Variants in LSAMP observed in about 807,000 individuals in gnomAD.
LSAMP encodes limbic system-associated membrane protein.
In LSAMP, 7 loss-of-function variants were observed where a neutral mutation model predicts 38.6. The observed-to-expected ratio is 0.18, with a 90% CI of 0.10 to 0.34. LSAMP has a LOEUF of 0.34. Among genes scored for constraint, LSAMP ranks in the 10% least tolerant of loss-of-function variants. The probability of loss-of-function intolerance (pLI) is 1.00; values close to 1 mark genes in which losing one functional copy is unlikely to be tolerated. For synonymous variants in LSAMP, 154 were observed against 166.8 expected (o/e 0.92, Z 0.59); for missense variants, 313 against 420.0 (o/e 0.75, Z 2.23).
intron 1 of LSAMP, among the ~76,000 whole-genome samples, chr3:116,230,423 A>G (rs1319032931): frequency 1.3e-5 from 2 of 152,196 alleles, no homozygotes; most frequent in Non-Finnish European, 2.9e-5. Context: ...ACTTATACCT[A>G]TCATACTGCT....
At chr3:116,288,157 T>C (rs991415754) in intron 1 of LSAMP, among the ~76,000 whole-genome samples, 12 of 152,122 alleles carry the variant, frequency 7.9e-5, no homozygotes, top group Non-Finnish European at 1.6e-4. Flanking sequence ...ATGGAACGAA[T>C]AGGGAAAAGA....
At chr3:116,295,559 G>GAGAT (rs2047320260) in intron 1 of LSAMP, among the ~76,000 whole-genome samples, 1 of 152,180 alleles carries the variant, frequency 6.6e-6, no homozygotes, top group Non-Finnish European at 1.5e-5. Context: ...GAATTGGAGG[G>GAGAT]AGATAGAAGG....
At chr3:116,172,448 A>C (rs978520464) in intron 1 of LSAMP, among the ~76,000 whole-genome samples, 2 of 151,920 alleles carry the variant, frequency 1.3e-5, no homozygotes, top group Non-Finnish European at 2.9e-5. Flanking sequence ...ATAGACGCTC[A>C]ATATAAATAT....
At chr3:116,218,023 T>C (rs1325185181) in intron 1 of LSAMP, among the ~76,000 whole-genome samples, 2 of 152,166 alleles carry the variant, frequency 1.3e-5, no homozygotes, top group Non-Finnish European at 2.9e-5. Flanking sequence ...GCATGTGAAG[T>C]TGCTACTGAG....
intron 1 of LSAMP, among the ~76,000 whole-genome samples, chr3:116,275,653 C>T (rs989149138): frequency 1.3e-5 from 2 of 151,980 alleles, no homozygotes; most frequent in Non-Finnish European, 2.9e-5. Flanking sequence ...TCTTCCCAGA[C>T]GTTTGCAGGC....
chr3:115,824,697 G>C (rs566564738), intron 6 of LSAMP, among the ~76,000 whole-genome samples: 1 of 148,788 alleles, frequency 6.7e-6, no homozygotes, highest in South Asian at 2.1e-4. Context: ...GTGACAGGGC[G>C]AGACTCCGTC....
intron 1 of LSAMP, among the ~76,000 whole-genome samples, chr3:116,342,211 G>T (rs983731057): frequency 2.6e-5 from 4 of 151,956 alleles, no homozygotes; most frequent in Non-Finnish European, 5.9e-5. Context: ...TGAGCAGTTG[G>T]GAGTTGTTAC....
At chr3:116,323,808 A>T (rs566941311) in intron 1 of LSAMP, among the ~76,000 whole-genome samples, 3 of 152,238 alleles carry the variant, frequency 2.0e-5, no homozygotes, top group Non-Finnish European at 2.9e-5. Flanking sequence ...AGACACCACT[A>T]AAATGCCTTG....
At chr3:116,430,053 G>A (rs1392924141) in intron 1 of LSAMP, among the ~76,000 whole-genome samples, 1 of 152,100 alleles carries the variant, frequency 6.6e-6, no homozygotes, top group Non-Finnish European at 1.5e-5. Flanking sequence ...AAGAGATGAG[G>A]TCAGCATTTG....
At chr3:116,240,525 G>T (rs567929342) in intron 1 of LSAMP, among the ~76,000 whole-genome samples, 1 of 152,160 alleles carries the variant, frequency 6.6e-6, no homozygotes. Flanking sequence ...GTCTCCCCTA[G>T]AGAAAACACT....
intron 1 of LSAMP, among the ~76,000 whole-genome samples, chr3:116,344,011 G>T (rs2048031216): frequency 6.6e-6 from 1 of 152,004 alleles, no homozygotes; most frequent in Non-Finnish European, 1.5e-5. Flanking sequence ...AATATTCATG[G>T]AAAAAGAAAA....
At chr3:116,387,336 G>T (rs1265768117) in intron 1 of LSAMP, among the ~76,000 whole-genome samples, 1 of 152,050 alleles carries the variant, frequency 6.6e-6, no homozygotes, top group Non-Finnish European at 1.5e-5. Flanking sequence ...TATAAATAAG[G>T]AATCACTACA....
chr3:115,936,819 A>G (rs1197375016), intron 3 of LSAMP, among the ~76,000 whole-genome samples: 2 of 152,170 alleles, frequency 1.3e-5, no homozygotes, highest in Admixed American at 6.6e-5. Flanking sequence ...GAGTAGCCAC[A>G]CTAAAGTCAG....
intron 4 of LSAMP, among the ~76,000 whole-genome samples, chr3:115,843,498 C>T (rs976069462): frequency 3.9e-5 from 6 of 152,196 alleles, no homozygotes; most frequent in Admixed American, 3.9e-4. Context: ...GAAGGCCTTT[C>T]CTGTCCAAAG....
At chr3:116,296,865 T>C (rs76481338) in intron 1 of LSAMP, among the ~76,000 whole-genome samples, 9,157 of 151,968 alleles carry the variant, frequency 0.06, 493 homozygotes, top group African/African-American at 0.15. Context: ...CATGGAAAAA[T>C]AGTCCAAATT....
chr3:116,187,859 TG>T (rs1466234370), intron 1 of LSAMP, among the ~76,000 whole-genome samples: 1 of 152,078 alleles, frequency 6.6e-6, no homozygotes, highest in East Asian at 1.9e-4. Context: ...ACTTGTGTCA[TG>T]GGGGTTTGTT....
Position 116,101,945 on chromosome 3 carries a change from C to A in LSAMP, c.156-15389G>T, listed in dbSNP as rs78598400. The stretch of plus-strand genomic sequence containing the variant: ...CAATGTCATACTGAGGACTAACCAC[C>A]TATGAGTTTATAGAGGGATTGTGAT... On this transcript the variant is annotated intron_variant, in intron 1 of 6. Coordinates refer to ENST00000490035, the MANE Select transcript of LSAMP (RefSeq NM_002338.5). 2.5e-3 allele frequency among the ~76,000 whole-genome samples: 386 copies of A among 152,226 alleles called. 1 individual carries two copies. The highest frequency in any genetic ancestry group is 8.9e-3 in the African/African-American group (371 of 41,558).
At chr3:116,185,758 A>G (rs530858145) in intron 1 of LSAMP, among the ~76,000 whole-genome samples, 10 of 152,154 alleles carry the variant, frequency 6.6e-5, no homozygotes, top group African/African-American at 1.9e-4. Flanking sequence ...CAGGCTTTTT[A>G]AATTCACTGT....
chr3:115,823,528 G>A (rs1934314311), intron 6 of LSAMP, among the ~76,000 whole-genome samples: 2 of 152,178 alleles, frequency 1.3e-5, no homozygotes, highest in South Asian at 2.1e-4. Flanking sequence ...TTACACAGGA[G>A]CTTTATTTTC....
Sources: gnomAD v4.1 joint callset for allele counts (sites outside exome capture counted in the v4.1 genomes callset) on GRCh38, gnomAD v4.1.1 for gene constraint, MANE v1.5 for transcripts, NCBI Gene and HGNC (gene_info 2026-07-23, HGNC 2026-07-21) for gene names.